The following GOSR1 variants were observed in gnomAD, a reference collection of about 807,000 sequenced individuals.
GOSR1 encodes 28 kDa Golgi SNARE protein.
In GOSR1, 21 loss-of-function variants were observed where a neutral mutation model predicts 35.5. The observed-to-expected ratio is 0.59, with a 90% CI of 0.42 to 0.85. The LOEUF is 0.85. Among genes scored for constraint, GOSR1 ranks in the 40% least tolerant of loss-of-function variants. The pLI is 0.00. For synonymous variants in GOSR1, 94 were observed against 106.6 expected (o/e 0.88, Z 0.73); for missense variants, 285 against 309.6 (o/e 0.92, Z 0.60).
intron 2 of GOSR1, 70 bp downstream of exon 2, chr17:30,481,327 A>C: frequency 8.9e-7 from 1 of 1,129,080 alleles, no homozygotes; most frequent in Non-Finnish European, 1.3e-6. Flanking sequence ...AATAAACTAA[A>C]ATATATAACT....
chr17:30,512,495 T>G (rs1754124943), intron 7 of GOSR1, among the ~76,000 whole-genome samples: 1 of 152,238 alleles, frequency 6.6e-6, no homozygotes, highest in Non-Finnish European at 1.5e-5. Context: ...GTTTCTTTTG[T>G]ATGGCTTCAT....
Position 30,484,228 on chromosome 17 carries a change from C to G in GOSR1, c.161C>G (p.Pro54Arg). 1 of 1,597,530 alleles carries G rather than the reference C, an allele frequency of 6.3e-7. No homozygotes were observed. The highest frequency in any genetic ancestry group is 8.6e-7 in the Non-Finnish European group (1 of 1,165,130). ...CTTCTTTTTAGTTCTGATACAACAC[C>G]CCTTTTAAATGGATCAAGCCAAGAC... ...DGRRDSSDTT[P>R]LLNGSSQDRM... The change falls in exon 3 of 9, where the codon CCC becomes CGC. Residue 54 changes from proline to arginine, a missense_variant. By Grantham distance (103) the Pro-to-Arg change is moderately radical (BLOSUM62 -2). Transcript: ENST00000451249.
chr17:30,496,555 G>T (rs1162054903), intron 6 of GOSR1, among the ~76,000 whole-genome samples: 1 of 152,074 alleles, frequency 6.6e-6, no homozygotes, highest in Admixed American at 6.6e-5. Flanking sequence ...TTTAAACACA[G>T]TGTTCCAGGC....
chr17:30,490,792 C>G (rs752923767), intron 5 of GOSR1, among the ~76,000 whole-genome samples: 1 of 151,898 alleles, frequency 6.6e-6, no homozygotes, highest in Non-Finnish European at 1.5e-5. Flanking sequence ...TCTTCTGTCC[C>G]TTCACCTCAC....
rs760448855 is a variant in GOSR1 at position 30,492,729 on chromosome 17, T to G, written c.485T>G (p.Leu162Trp). 6.3e-7 allele frequency: 1 copy of G among 1,598,454 alleles called. No individual in the cohort carries two copies. The highest frequency in any genetic ancestry group is 1.7e-5 in the Admixed American group (1 of 59,998). ...GVNNRRTELF[L>W]KEHDHLRNSD... Reference sequence around the variant, plus strand: ...AACAACAGAAGAACTGAGCTATTTTTGAAAGAACATGACCACCTTCGAAAG... The same window carrying G: ...AACAACAGAAGAACTGAGCTATTTTGGAAAGAACATGACCACCTTCGAAAG... Residue 162 changes from leucine to tryptophan, a missense_variant, in exon 6 of 9, where the codon TTG becomes TGG. Coordinates refer to ENST00000451249, the MANE Select transcript of GOSR1 (RefSeq NM_001007025.2).
chr17:30,479,032 T>C (rs886116950), intron 1 of GOSR1: 14 of 152,048 alleles, frequency 9.2e-5, no homozygotes, highest in African/African-American at 3.1e-4. Flanking sequence ...ACCCTGAAGG[T>C]AGGGGTTTAA....
chr17:30,490,200 A>C lies in GOSR1; in HGVS notation c.417A>C (p.Ser139=). Residue 139 remains serine, a synonymous_variant, in exon 5 of 9, where the codon TCA becomes TCC. Transcript: ENST00000451249. ...GGGAAAGGGAGAATCTTATGGGATCAGTACGAAAAGATATTGAGTAAGTTA... is the reference window on the plus strand; with the variant it reads ...GGGAAAGGGAGAATCTTATGGGATCCGTACGAAAAGATATTGAGTAAGTTA... The part of the protein sequence containing the change: ...AIRERENLMG[S]VRKDIESYKS... The C allele has an allele frequency of 6.6e-7, 1 of 1,513,456 alleles. No homozygotes were observed. The highest frequency in any genetic ancestry group is 9.2e-7 in the Non-Finnish European group (1 of 1,088,644). 93.8% of individuals were successfully genotyped at this position (1,513,456 alleles called of 1,614,324 possible). A position where few individuals can be genotyped will look rare whatever the true frequency, so the allele number is the denominator to read the frequency against.
chr17:30,484,827 T>C, intron 4 of GOSR1, 57 bp downstream of exon 4: 1 of 904,604 alleles, frequency 1.1e-6, no homozygotes, highest in East Asian at 2.4e-5. Context: ...TTTTTTTTTT[T>C]TTAATCCCTG....
At chr17:30,507,506 C>G (rs1216937235) in intron 6 of GOSR1, among the ~76,000 whole-genome samples, 3 of 152,040 alleles carry the variant, frequency 2.0e-5, no homozygotes, top group Non-Finnish European at 2.9e-5. Flanking sequence ...GCGGATCACC[C>G]GAGGTGAGGA....
chr17:30,491,843 A>G (rs1466894279), intron 5 of GOSR1, among the ~76,000 whole-genome samples: 1 of 152,194 alleles, frequency 6.6e-6, no homozygotes, highest in Non-Finnish European at 1.5e-5. Context: ...GTATTGAGAC[A>G]CTTGTCTGAG....
At chr17:30,508,254 TTA>T (rs35904798) in intron 6 of GOSR1, among the ~76,000 whole-genome samples, 80,945 of 151,888 alleles carry the variant, frequency 0.53, 21,913 homozygotes, top group East Asian at 0.83. Flanking sequence ...ATTTAGTAGT[TTA>T]TTTCATTTAT....
intron 6 of GOSR1, among the ~76,000 whole-genome samples, chr17:30,501,114 T>G (rs1012721775): frequency 3.3e-5 from 5 of 152,078 alleles, no homozygotes; most frequent in African/African-American, 1.2e-4. Context: ...TCTCCTGACC[T>G]CGTGATCCGC....
intron 6 of GOSR1, among the ~76,000 whole-genome samples, chr17:30,498,495 T>C (rs1967082555): frequency 6.6e-6 from 1 of 152,176 alleles, no homozygotes; most frequent in African/African-American, 2.4e-5. Context: ...AAGGGAGTCA[T>C]TACTCTGCTG....
chr17:30,522,478 T>C lies in GOSR1; in HGVS notation c.*100T>C, dbSNP rs995668256. The C allele has an allele frequency of 6.3e-6, 6 of 956,382 alleles. No homozygotes were observed. The African/African-American group carries it at 1.0e-4, about 16-fold the overall frequency. 59.2% of individuals were successfully genotyped at this position (956,382 alleles called of 1,614,324 possible). On this transcript the variant is annotated 3_prime_UTR_variant, in exon 9 of 9. Coordinates refer to ENST00000451249, the MANE Select transcript of GOSR1 (RefSeq NM_001007025.2). ...AAGTTGACTGTCTTGATAATTAGCCTGACCAGCAGGATGAATGCAAGACTG... is the reference window on the plus strand; with the variant it reads ...AAGTTGACTGTCTTGATAATTAGCCCGACCAGCAGGATGAATGCAAGACTG...
rs1032201426 is a variant in GOSR1 at position 30,525,366 on chromosome 17, G to A, written c.*2988G>A. 1.3e-5 allele frequency: 2 copies of A among 152,136 alleles called. No individual in the cohort carries two copies. The highest frequency in any genetic ancestry group is 4.8e-5 in the African/African-American group (2 of 41,406). The allele number at this position is 152,136 out of a possible 1,614,324, so 9.4% of individuals were successfully genotyped here. A position where few individuals can be genotyped will look rare whatever the true frequency, so the allele number is the denominator to read the frequency against. On this transcript the variant is annotated 3_prime_UTR_variant, in exon 9 of 9. Transcript: ENST00000451249. ...ATGGGGTTTATTTTTCTAAATGTGGGTTGATTGACTGTTAATTGATTCAGG... is the reference window on the plus strand; with the variant it reads ...ATGGGGTTTATTTTTCTAAATGTGGATTGATTGACTGTTAATTGATTCAGG...
rs1158862635 is a variant in GOSR1, at chr17:30,490,215, T to G, written c.432T>G (p.Ile144Met). The part of the protein sequence containing the change: ...ENLMGSVRKD[I>M]ESYKSGSGVN... Reference sequence around the variant, plus strand: ...TTATGGGATCAGTACGAAAAGATATTGAGTAAGTTACTTTTTATATTATTT... The same window carrying G: ...TTATGGGATCAGTACGAAAAGATATGGAGTAAGTTACTTTTTATATTATTT... Residue 144 changes from isoleucine (I) to methionine (M), a missense_variant and splice_region_variant, in exon 5 of 9, where the codon ATT (isoleucine) becomes ATG (methionine). Ile to Met is a conservative substitution (Grantham distance 10). This residue lies in a region of GOSR1 where 168 missense variants were observed against 183.2 expected (regional missense o/e 0.92). Coordinates refer to ENST00000451249, the MANE Select transcript of GOSR1 (RefSeq NM_001007025.2). 7.2e-7 allele frequency: 1 copy of G among 1,384,222 alleles called. No individual in the cohort carries two copies. The highest frequency in any genetic ancestry group is 1.0e-6 in the Non-Finnish European group (1 of 971,242). The allele number at this position is 1,384,222 out of a possible 1,614,324, so 85.7% of individuals were successfully genotyped here.
At chr17:30,519,324 T>C (rs140049595) in intron 7 of GOSR1, among the ~76,000 whole-genome samples, 63 of 152,316 alleles carry the variant, frequency 4.1e-4, no homozygotes, top group African/African-American at 1.3e-3. Context: ...AATTCGGTGC[T>C]GGGATTACAG....
chr17:30,515,145 C>T (rs912643500), intron 7 of GOSR1, among the ~76,000 whole-genome samples: 2 of 152,018 alleles, frequency 1.3e-5, no homozygotes, highest in African/African-American at 4.8e-5. Context: ...AGAGGATGAG[C>T]TTCCAGTCAC....
intron 6 of GOSR1, chr17:30,510,612 G>A (rs1184889761): frequency 4.5e-6 from 1 of 222,214 alleles, no homozygotes; most frequent in African/African-American, 2.3e-5. Flanking sequence ...TATTTGGGAA[G>A]CTGAGGCAGG....
Sources: allele counts gnomAD v4.1 joint callset (sites outside exome capture counted in the v4.1 genomes callset), GRCh38; gene constraint gnomAD v4.1.1; regional missense constraint gnomAD v4.1.1; transcripts MANE v1.5; gene names NCBI Gene and HGNC (gene_info 2026-07-23, HGNC 2026-07-21).